The following PAX3 variants were observed in gnomAD, a reference collection of about 807,000 sequenced individuals.
The protein encoded by PAX3 is paired box 3.
Under a neutral mutation model 51.6 loss-of-function variants are expected in PAX3, and 14 were observed. The ratio of observed to expected loss-of-function variants is 0.27; its 90% CI spans 0.18 to 0.42. The LOEUF (loss-of-function observed/expected upper bound fraction) is 0.42. Among genes scored for constraint, PAX3 ranks in the 10% least tolerant of loss-of-function variants. PAX3 has a pLI of 1.00. For missense variants in PAX3, 540 were observed against 642.8 expected, an observed-to-expected ratio of 0.84 and a Z score of 1.73; for synonymous variants, 280 against 253.4, an observed-to-expected ratio of 1.11 and a Z score of -1.00.
chr2:222,227,214 T>G (rs545181148), intron 5 of PAX3, among the ~76,000 whole-genome samples: 2 of 152,314 alleles, frequency 1.3e-5, no homozygotes, highest in African/African-American at 4.8e-5. Context: ...TTTTTCTGTC[T>G]TCCATTGTCT....
At chr2:222,207,574 ACATT>A (rs1156301704) in intron 7 of PAX3, among the ~76,000 whole-genome samples, 4 of 152,226 alleles carry the variant, frequency 2.6e-5, no homozygotes, top group Non-Finnish European at 5.9e-5. Flanking sequence ...TATGCAGCAT[ACATT>A]TCCATGTTTT....
chr2:222,227,728 TTA>T (rs1004722443), intron 5 of PAX3, among the ~76,000 whole-genome samples: 15 of 144,234 alleles, frequency 1.0e-4, no homozygotes, highest in African/African-American at 3.9e-4. Flanking sequence ...ATCATCTTTT[TTA>T]AAAAAAAAAA....
intron 3 of PAX3, among the ~76,000 whole-genome samples, chr2:222,294,872 T>TA (rs1427160621): frequency 6.6e-6 from 1 of 150,592 alleles, no homozygotes; most frequent in African/African-American, 2.4e-5. Flanking sequence ...TTTCCTATTG[T>TA]AAAAATCAAA....
At chr2:222,298,047 AATT>A (rs1695399661) in intron 1 of PAX3, 1 of 156,742 alleles carries the variant, frequency 6.4e-6, no homozygotes, top group South Asian at 1.9e-4. Context: ...TAATTTATTT[AATT>A]ATTCTAAAAA....
chr2:222,225,117 C>T (rs1260246059), intron 5 of PAX3, among the ~76,000 whole-genome samples: 2 of 152,158 alleles, frequency 1.3e-5, no homozygotes, highest in African/African-American at 4.8e-5. Flanking sequence ...TTGTCAGTAA[C>T]CTACTATACT....
At chr2:222,285,493 T>C (rs1388406023) in intron 4 of PAX3, among the ~76,000 whole-genome samples, 3 of 152,242 alleles carry the variant, frequency 2.0e-5, no homozygotes, top group African/African-American at 7.2e-5. Flanking sequence ...CATTTTCATT[T>C]TCTGTATATA....
At chr2:222,265,556 G>A (rs187029817) in intron 4 of PAX3, among the ~76,000 whole-genome samples, 5 of 152,178 alleles carry the variant, frequency 3.3e-5, no homozygotes, top group African/African-American at 7.2e-5. Context: ...GGGAGGCTGA[G>A]GCAGGAGAAC....
chr2:222,260,565 GTTTT>G (rs869129158), intron 4 of PAX3, among the ~76,000 whole-genome samples: 1 of 55,850 alleles, frequency 1.8e-5, no homozygotes, highest in South Asian at 8.0e-4. Flanking sequence ...TTTTTTTTTT[GTTTT>G]TTTTTTTTGT....
intron 4 of PAX3, among the ~76,000 whole-genome samples, chr2:222,251,793 A>T (rs1004143534): frequency 3.0e-4 from 45 of 152,252 alleles, no homozygotes; most frequent in Admixed American, 2.7e-3. Flanking sequence ...CTTTTTAATG[A>T]TCACCACTCT....
At chr2:222,261,610 AAAAAAG>A (rs1168755975) in intron 4 of PAX3, among the ~76,000 whole-genome samples, 5 of 151,808 alleles carry the variant, frequency 3.3e-5, no homozygotes, top group Non-Finnish European at 5.9e-5. Flanking sequence ...ACAAAAAAAA[AAAAAAG>A]AAAAAGAAAA....
intron 4 of PAX3, among the ~76,000 whole-genome samples, chr2:222,288,022 T>C (rs946575406): frequency 6.6e-6 from 1 of 152,228 alleles, no homozygotes; most frequent in African/African-American, 2.4e-5. Context: ...GTGCTATTTG[T>C]TGGAATTTGC....
intron 4 of PAX3, among the ~76,000 whole-genome samples, chr2:222,251,737 G>GT (rs932470909): frequency 1.3e-5 from 2 of 152,162 alleles, no homozygotes; most frequent in African/African-American, 2.4e-5. Flanking sequence ...CAGTGTAAAA[G>GT]TGTTCCTATT....
chr2:222,244,914 G>C (rs1693164558), intron 4 of PAX3, among the ~76,000 whole-genome samples: 1 of 152,126 alleles, frequency 6.6e-6, no homozygotes, highest in African/African-American at 2.4e-5. Flanking sequence ...TTGAGAGGTT[G>C]AGGTGGGCAG....
chr2:222,281,075 C>G (rs1326603024), intron 4 of PAX3, among the ~76,000 whole-genome samples: 1 of 152,224 alleles, frequency 6.6e-6, no homozygotes, highest in Non-Finnish European at 1.5e-5. Context: ...CAGATGTGCC[C>G]TGTCTGCATA....
At chr2:222,294,443 C>G (rs941783277) in intron 3 of PAX3, 142 bp from the exon 4 acceptor site, 4 of 798,940 alleles carry the variant, frequency 5.0e-6, no homozygotes, top group African/African-American at 3.4e-5. Context: ...TCTCCTCCTG[C>G]ATCTCTGGAC....
chr2:222,272,346 G>A lies in PAX3; in HGVS notation c.586+21821C>T, dbSNP rs541182227. On this transcript the variant is annotated intron_variant, in intron 4 of 8. Transcript: ENST00000392070. The stretch of plus-strand genomic sequence containing the variant: ...GAGTAAGTGTTATGTCAACTAAAGA[G>A]GCTTAAAGGGGAAGAAAATGTGATC... Among the ~76,000 whole-genome samples, 110 of 152,286 alleles carry A rather than the reference G, an allele frequency of 7.2e-4. 1 individual carries two copies. The highest frequency in any genetic ancestry group is 2.6e-3 in the African/African-American group (108 of 41,544).
intron 7 of PAX3, among the ~76,000 whole-genome samples, chr2:222,204,031 G>A (rs1305019437): frequency 6.6e-6 from 1 of 152,076 alleles, no homozygotes; most frequent in African/African-American, 2.4e-5. Flanking sequence ...GACATCCCAG[G>A]AATCTAAGAT....
intron 7 of PAX3, among the ~76,000 whole-genome samples, chr2:222,208,714 CT>C (rs1197932919): frequency 1.3e-5 from 2 of 152,170 alleles, no homozygotes; most frequent in Admixed American, 6.6e-5. Context: ...GAGAACATGA[CT>C]GTGGAAAATC....
intron 7 of PAX3, among the ~76,000 whole-genome samples, chr2:222,205,989 T>G (rs974488999): frequency 6.6e-5 from 10 of 152,190 alleles, no homozygotes; most frequent in African/African-American, 2.4e-4. Context: ...TGTCAGAATT[T>G]CTTTTATGCA....
Sources: gnomAD v4.1 joint callset for allele counts (sites outside exome capture counted in the v4.1 genomes callset) on GRCh38, gnomAD v4.1.1 for gene constraint, MANE v1.5 for transcripts, NCBI Gene and HGNC (gene_info 2026-07-23, HGNC 2026-07-21) for gene names.